Variants in PDE1A observed in about 807,000 individuals in gnomAD.
PDE1A encodes dual specificity calcium/calmodulin-dependent 3',5'-cyclic nucleotide phosphodiesterase 1A.
A neutral mutation model predicts 61.7 loss-of-function variants in PDE1A; 35 were observed. The ratio of observed to expected loss-of-function variants is 0.57; its 90% CI spans 0.43 to 0.75. The LOEUF is 0.75. PDE1A is among the 30% of genes least tolerant of loss of function. The pLI, the probability that PDE1A is intolerant of heterozygous loss-of-function variation, is 0.00. For synonymous variants in PDE1A, 232 were observed against 213.2 expected (o/e 1.09, Z -0.77); for missense variants, 597 against 630.6 (o/e 0.95, Z 0.57).
intron 1 of PDE1A, among the ~76,000 whole-genome samples, chr2:182,302,430 C>T (rs1443229252): frequency 6.6e-6 from 1 of 152,210 alleles, no homozygotes; most frequent in African/African-American, 2.4e-5. Flanking sequence ...ACACTGTAAT[C>T]TCTTAAGTGT....
At chr2:182,606,110 T>C in the PDE1A span, among the ~76,000 whole-genome samples, 3 of 152,220 alleles carry the variant, frequency 2.0e-5, no homozygotes, top group East Asian at 5.8e-4. Context: ...AATATCTCTA[T>C]AGCACTGTCA....
At chr2:182,506,182 C>T (rs559560083) in intron 2 of PDE1A, among the ~76,000 whole-genome samples, 3 of 152,250 alleles carry the variant, frequency 2.0e-5, no homozygotes, top group African/African-American at 4.8e-5. Flanking sequence ...TTCTTTCCTT[C>T]GTCATTCATC....
At chr2:182,630,014 C>T in the PDE1A span, among the ~76,000 whole-genome samples, 1 of 152,080 alleles carries the variant, frequency 6.6e-6, no homozygotes, top group Non-Finnish European at 1.5e-5. Context: ...ATTAACTCTT[C>T]TATGATTTGC....
the PDE1A span, among the ~76,000 whole-genome samples, chr2:182,613,780 G>A: frequency 0.4 from 60,809 of 151,884 alleles, 13,634 homozygotes; most frequent in East Asian, 0.58. Context: ...TGAGTTTCCC[G>A]AACTGTTTGC....
rs1288376721 is a variant in PDE1A, at chr2:182,511,429, G to A, written c.101+10847C>T. On this transcript the variant is annotated intron_variant, in intron 2 of 14. Transcript: ENST00000410103. ...GGGCCAGGGTGAGTAAAATAGGTGGGGAGTGGCCCACTCTCACCACAGACC... is the reference window on the plus strand; with the variant it reads ...GGGCCAGGGTGAGTAAAATAGGTGGAGAGTGGCCCACTCTCACCACAGACC... 4.6e-5 allele frequency among the ~76,000 whole-genome samples: 7 copies of A among 152,234 alleles called. No individual in the cohort carries two copies. The East Asian group carries it at 9.7e-4, about 21-fold the overall frequency.
intron 2 of PDE1A, among the ~76,000 whole-genome samples, chr2:182,512,829 T>C (rs1309614440): frequency 6.6e-6 from 1 of 152,142 alleles, no homozygotes; most frequent in Non-Finnish European, 1.5e-5. Flanking sequence ...AATAGCAGAA[T>C]AGACCAAGCT....
At chr2:182,146,521 T>G (rs1367109909), downstream of PDE1A, among the ~76,000 whole-genome samples, 1 of 152,194 alleles carries the variant, frequency 6.6e-6, no homozygotes, top group African/African-American at 2.4e-5. Context: ...AGTCTTGCAC[T>G]GTCACCCTGG....
chr2:182,314,504 A>C (rs1350653559), intron 1 of PDE1A: 1 of 152,160 alleles, frequency 6.6e-6, no homozygotes, highest in Non-Finnish European at 1.5e-5. Context: ...GTGAATAGCC[A>C]TTGCACTCCA....
intron 1 of PDE1A, among the ~76,000 whole-genome samples, chr2:182,346,973 C>T (rs956665287): frequency 6.6e-6 from 1 of 152,098 alleles, no homozygotes; most frequent in Admixed American, 6.6e-5. Context: ...CATTTGGCAG[C>T]TGGTAAAGAA....
At chr2:182,392,012 C>T (rs540605430) in intron 1 of PDE1A, among the ~76,000 whole-genome samples, 2 of 152,248 alleles carry the variant, frequency 1.3e-5, no homozygotes, top group East Asian at 1.9e-4. Flanking sequence ...GGTCAGGTCC[C>T]GTTGAGGAAG....
chr2:182,542,904 C>A, the PDE1A span, among the ~76,000 whole-genome samples: 4 of 152,188 alleles, frequency 2.6e-5, no homozygotes, highest in Non-Finnish European at 5.9e-5. Flanking sequence ...AAAGCCAGAA[C>A]TCACAATGCA....
intron 2 of PDE1A, among the ~76,000 whole-genome samples, chr2:182,497,144 T>C (rs1294322496): frequency 6.6e-6 from 1 of 152,214 alleles, no homozygotes; most frequent in Non-Finnish European, 1.5e-5. Flanking sequence ...GTATTTATCA[T>C]TGTTATCTCC....
intron 2 of PDE1A, among the ~76,000 whole-genome samples, chr2:182,515,271 T>C (rs1471262912): frequency 6.6e-6 from 1 of 152,252 alleles, no homozygotes; most frequent in Non-Finnish European, 1.5e-5. Flanking sequence ...TTTTGTTGTT[T>C]GTCTCCTCTA....
chr2:182,591,536 G>A, the PDE1A span, among the ~76,000 whole-genome samples: 2 of 152,040 alleles, frequency 1.3e-5, no homozygotes, highest in African/African-American at 4.8e-5. Context: ...TCTAGGCTAC[G>A]ATTTCTCAAC....
At chr2:182,692,000 C>A in the PDE1A span, among the ~76,000 whole-genome samples, 2 of 152,174 alleles carry the variant, frequency 1.3e-5, no homozygotes, top group East Asian at 3.9e-4. Flanking sequence ...GTTAGAATGG[C>A]GATCATTAAA....
rs540682933 is a variant in PDE1A at position 182,249,190 on chromosome 2, C to A, written c.168-8898G>T. On this transcript the variant is annotated intron_variant, in intron 2 of 13. Coordinates refer to ENST00000351439, the Ensembl canonical transcript of PDE1A. ...AGCTTTGAAAGGAGCTGCTTCTTGG[C>A]CACTCCTTGGTTTGAAAGGGTACAA... Among the ~76,000 whole-genome samples, 5 of 152,264 alleles carry A rather than the reference C, an allele frequency of 3.3e-5. No individual in the cohort carries two copies. The East Asian group carries it at 9.7e-4, about 29-fold the overall frequency.
At chr2:182,251,475 A>T (rs1300456571) in intron 2 of PDE1A, among the ~76,000 whole-genome samples, 2 of 152,192 alleles carry the variant, frequency 1.3e-5, no homozygotes, top group East Asian at 3.9e-4. Context: ...CTAGACCAGA[A>T]GAATTAGCAT....
At chr2:182,645,128 G>A in the PDE1A span, among the ~76,000 whole-genome samples, 20 of 152,020 alleles carry the variant, frequency 1.3e-4, no homozygotes, top group Middle Eastern at 3.4e-3. Flanking sequence ...TGGGACTACA[G>A]GTGCCCGCCA....
intron 1 of PDE1A, among the ~76,000 whole-genome samples, chr2:182,320,573 T>C (rs1696635164): frequency 6.6e-6 from 1 of 152,206 alleles, no homozygotes; most frequent in African/African-American, 2.4e-5. Flanking sequence ...TTTGTTAGGT[T>C]TGTAAGTATA....
Sources: gnomAD v4.1 joint callset for allele counts (sites outside exome capture counted in the v4.1 genomes callset) on GRCh38, gnomAD v4.1.1 for gene constraint, MANE v1.5 for transcripts, NCBI Gene and HGNC (gene_info 2026-07-23, HGNC 2026-07-21) for gene names.